The following VAPB variants were observed in gnomAD, a reference collection of about 807,000 sequenced individuals.
The protein encoded by VAPB is vesicle-associated membrane protein-associated protein B/C.
A neutral mutation model predicts 25.6 loss-of-function variants in VAPB; 7 were observed. The observed-to-expected ratio is 0.27, with a 90% CI of 0.16 to 0.51. The LOEUF is 0.51. Ranked by LOEUF, VAPB falls within the 20% of genes least tolerant of loss-of-function variation. The pLI is 0.97. For missense variants in VAPB, 266 were observed against 301.3 expected, an observed-to-expected ratio of 0.88 and a Z score of 0.87; for synonymous variants, 112 against 109.2, an observed-to-expected ratio of 1.03 and a Z score of -0.16.
intron 3 of VAPB, among the ~76,000 whole-genome samples, chr20:58,437,634 A>T (rs1270088149): frequency 3.3e-5 from 5 of 151,768 alleles, no homozygotes; most frequent in Admixed American, 1.3e-4. Flanking sequence ...CTTGCTTGAT[A>T]TTTTTTTTGA....
At chr20:58,396,484 C>T (rs1312930075) in intron 1 of VAPB, among the ~76,000 whole-genome samples, 1 of 152,052 alleles carries the variant, frequency 6.6e-6, no homozygotes, top group East Asian at 1.9e-4. Flanking sequence ...TGGGATGTAC[C>T]CCTAGACCAT....
chr20:58,414,644 G>C (rs1237911848), intron 1 of VAPB, among the ~76,000 whole-genome samples: 1 of 151,614 alleles, frequency 6.6e-6, no homozygotes, highest in South Asian at 2.1e-4. Flanking sequence ...GGGCAGAGAC[G>C]CTCCTCACTT....
chr20:58,396,663 C>T (rs1161351402), intron 1 of VAPB, among the ~76,000 whole-genome samples: 1 of 152,062 alleles, frequency 6.6e-6, no homozygotes, highest in Non-Finnish European at 1.5e-5. Context: ...CCCAACACCC[C>T]GTTGGGTCGG....
At position 58,449,418 on chromosome 20, in the gene VAPB, G is replaced by A. The variant is rs1311309238; in HGVS notation, c.*5183G>A. ...AACGGGTGGAGGTGGATGAGAGGTT[G>A]TCTTCATGAATATAATTACTTGAGA... is the stretch of plus-strand genomic sequence containing the variant. On this transcript the variant is annotated 3_prime_UTR_variant, in exon 6 of 6. Coordinates refer to ENST00000475243, the MANE Select transcript of VAPB (RefSeq NM_004738.5). 1 of 453,176 alleles carries A rather than the reference G, an allele frequency of 2.2e-6. No individual in the cohort carries two copies. Among genetic ancestry groups the A allele is most frequent in the Non-Finnish European group, 4.4e-6 (1 of 226,670 alleles). 28.1% of individuals were successfully genotyped at this position (453,176 alleles called of 1,614,324 possible).
At chr20:58,423,414 C>CAAAAAAAACAAAA (rs1988712142) in intron 2 of VAPB, among the ~76,000 whole-genome samples, 1 of 34,758 alleles carries the variant, frequency 2.9e-5, no homozygotes, top group Non-Finnish European at 5.0e-5. Flanking sequence ...CTCCATCTCA[C>CAAAAAAAACAAAA]AAAAAAAAAA....
At chr20:58,390,057 C>T (rs749345208) in intron 1 of VAPB, 1 of 153,794 alleles carries the variant, frequency 6.5e-6, no homozygotes, top group African/African-American at 2.4e-5. Context: ...AGGACAGGCT[C>T]TTGTCAGTTC....
At chr20:58,401,460 C>G (rs1483614597) in intron 1 of VAPB, among the ~76,000 whole-genome samples, 1 of 152,200 alleles carries the variant, frequency 6.6e-6, no homozygotes, top group African/African-American at 2.4e-5. Flanking sequence ...TGCTTCATCA[C>G]TACATCTCCC....
At chr20:58,436,737 ATGT>A (rs1989055089) in intron 3 of VAPB, among the ~76,000 whole-genome samples, 1 of 152,188 alleles carries the variant, frequency 6.6e-6, no homozygotes, top group Admixed American at 6.5e-5. Context: ...ATTTGTTAAC[ATGT>A]TGTGACATTT....
intron 2 of VAPB, among the ~76,000 whole-genome samples, chr20:58,430,436 A>G (rs1430184864): frequency 2.0e-5 from 3 of 151,594 alleles, no homozygotes; most frequent in Non-Finnish European, 2.9e-5. Flanking sequence ...TAATTTTTGT[A>G]TTTTCAGTAG....
rs1420381589 is a variant in VAPB at position 58,447,096 on chromosome 20, G to T, written c.*2861G>T. 2 of 453,940 alleles carry T rather than the reference G, an allele frequency of 4.4e-6. No individual in the cohort carries two copies. The highest frequency in any genetic ancestry group is 1.4e-4 in the East Asian group (2 of 14,402). 28.1% of individuals were successfully genotyped at this position (453,940 alleles called of 1,614,324 possible). ...AGGCTGCCCTCCAGTCTGCTCCTGT[G>T]GTTACTGGCTCCACAGCACCTCAGA... On this transcript the variant is annotated 3_prime_UTR_variant, in exon 6 of 6. Transcript: ENST00000475243.
intron 2 of VAPB, among the ~76,000 whole-genome samples, chr20:58,425,810 T>C (rs1227250310): frequency 2.0e-5 from 3 of 152,210 alleles, no homozygotes; most frequent in East Asian, 3.8e-4. Context: ...GTCTGTGTTG[T>C]AGCAAACATT....
intron 5 of VAPB, among the ~76,000 whole-genome samples, chr20:58,442,495 A>G (rs1014772221): frequency 2.6e-5 from 4 of 152,180 alleles, no homozygotes; most frequent in African/African-American, 9.7e-5. Context: ...CCAGTTGTTT[A>G]TCACTGTGCA....
Position 58,389,302 on chromosome 20 carries a change from A to AT in VAPB, c.-158_-157insT, listed in dbSNP as rs1555809893. 6 of 400,110 alleles carry AT rather than the reference A, an allele frequency of 1.5e-5. No individual in the cohort carries two copies. Among genetic ancestry groups the AT allele is most frequent in the Middle Eastern group, 7.8e-4 (1 of 1,280 alleles). 24.8% of individuals were successfully genotyped at this position (400,110 alleles called of 1,614,324 possible). On this transcript the variant is annotated 5_prime_UTR_variant, in exon 1 of 6. Transcript: ENST00000475243. Reference sequence around the variant, plus strand: ...CCCTGCGCCTGCACCGCGTAGACCGACCCCCCCCCAGCGCGCCCACCCGGT... The same window carrying AT: ...CCCTGCGCCTGCACCGCGTAGACCGATCCCCCCCCCAGCGCGCCCACCCGGT...
intron 2 of VAPB, among the ~76,000 whole-genome samples, chr20:58,418,670 C>G (rs1213767644): frequency 6.6e-6 from 1 of 152,184 alleles, no homozygotes; most frequent in African/African-American, 2.4e-5. Context: ...TTTGTTTTCA[C>G]TCCCTTGAAA....
intron 1 of VAPB, among the ~76,000 whole-genome samples, chr20:58,394,661 C>T (rs1219542965): frequency 6.6e-6 from 1 of 152,198 alleles, no homozygotes; most frequent in Non-Finnish European, 1.5e-5. Context: ...AATCTTGTTC[C>T]TGGGAGAAAA....
At position 58,414,623 on chromosome 20, in the gene VAPB, G is replaced by A. The variant is rs1988487393; in HGVS notation, c.59-3588G>A. Among the ~76,000 whole-genome samples, 2 of 151,644 alleles carry A rather than the reference G, an allele frequency of 1.3e-5. 1 individual carries two copies. The highest frequency in any genetic ancestry group is 4.2e-4 in the South Asian group (2 of 4,802). ...CAGAGGCGCTCCCCACATCTCAGACGATGGGCGGCCGGGCAGAGACGCTCC... is the reference window on the plus strand; with the variant it reads ...CAGAGGCGCTCCCCACATCTCAGACAATGGGCGGCCGGGCAGAGACGCTCC... On this transcript the variant is annotated intron_variant, in intron 1 of 5. Transcript: ENST00000475243.
chr20:58,406,231 A>T (rs1004948485), intron 1 of VAPB, among the ~76,000 whole-genome samples: 13 of 152,188 alleles, frequency 8.5e-5, no homozygotes, highest in African/African-American at 3.1e-4. Flanking sequence ...TATTGTTGTG[A>T]CATAGAACAG....
intron 1 of VAPB, among the ~76,000 whole-genome samples, chr20:58,415,607 AAG>A (rs1171692469): frequency 3.9e-5 from 6 of 152,218 alleles, no homozygotes; most frequent in African/African-American, 1.2e-4. Context: ...TATCTCTAAA[AAG>A]GAAAAATTCT....
At chr20:58,405,183 A>T (rs949872002) in intron 1 of VAPB, among the ~76,000 whole-genome samples, 3 of 152,186 alleles carry the variant, frequency 2.0e-5, no homozygotes, top group Non-Finnish European at 4.4e-5. Flanking sequence ...TGAGGAGGTG[A>T]TATTTGAACT....
Sources: allele counts gnomAD v4.1 joint callset (sites outside exome capture counted in the v4.1 genomes callset), GRCh38; gene constraint gnomAD v4.1.1; transcripts MANE v1.5; gene names NCBI Gene and HGNC (gene_info 2026-07-23, HGNC 2026-07-21).